The following SMYD5 variants were observed in gnomAD, a reference collection of about 807,000 sequenced individuals.
The protein encoded by SMYD5 is protein-lysine N-trimethyltransferase SMYD5.
A neutral mutation model predicts 57.4 loss-of-function variants in SMYD5; 35 were observed. The ratio of observed to expected loss-of-function variants is 0.61; its 90% CI spans 0.47 to 0.81. The LOEUF (loss-of-function observed/expected upper bound fraction) is 0.81, where lower values mean the gene tolerates loss of function less well. Ranked by LOEUF, SMYD5 falls within the 30% of genes least tolerant of loss-of-function variation. The pLI is 0.00. For missense variants in SMYD5, 471 were observed against 527.9 expected (o/e 0.89, Z 1.06); for synonymous variants, 198 against 189.7 (o/e 1.04, Z -0.36).
At position 73,226,152 on chromosome 2, in the gene SMYD5, C is replaced by T; in HGVS notation, c.*206C>T. The T allele has an allele frequency of 1.5e-6, 1 of 673,478 alleles. No homozygotes were observed. The highest frequency in any genetic ancestry group is 2.0e-5 in the South Asian group (1 of 49,302). 41.7% of individuals were successfully genotyped at this position (673,478 alleles called of 1,614,324 possible). A position where few individuals can be genotyped will look rare whatever the true frequency, so the allele number is the denominator to read the frequency against. On this transcript the variant is annotated 3_prime_UTR_variant, in exon 13 of 13. Transcript: ENST00000389501. The stretch of plus-strand genomic sequence containing the variant: ...GCCCTGGACACTGCTGCTGAGTTGG[C>T]TCAGACTCTGCACTGGCACTGAGCC...
At chr2:73,214,645 G>T in intron 1 of SMYD5, 1 of 1,491,988 alleles carries the variant, frequency 6.7e-7, no homozygotes, top group South Asian at 1.2e-5. Flanking sequence ...CGGGGCTAGG[G>T]GGCTTTGCTG....
At position 73,220,057 on chromosome 2, in the gene SMYD5, A is replaced by T; in HGVS notation, c.212A>T (p.Asp71Val). 1 of 1,614,186 alleles carries T rather than the reference A, an allele frequency of 6.2e-7. No homozygotes were observed. Among genetic ancestry groups the T allele is most frequent in the Non-Finnish European group, 8.5e-7 (1 of 1,180,016 alleles). The part of the protein sequence containing the change: ...WNALYRYRAC[D>V]HCLRALEKAE... ...GTCTGGCTCTCACCGTCAGCCTGTG[A>T]CCACTGCCTTAGGGCACTAGAGAAG... The change falls in exon 3 of 13, where the codon GAC becomes GTC. Residue 71 changes from aspartate to valine, a missense_variant. Asp to Val is a radical substitution (Grantham distance 152). Coordinates refer to ENST00000389501, the MANE Select transcript of SMYD5 (RefSeq NM_006062.3).
intron 6 of SMYD5, 24 bp from the exon 7 acceptor site, chr2:73,222,729 GTC>G (rs1425236181): frequency 2.5e-6 from 4 of 1,595,950 alleles, no homozygotes; most frequent in Non-Finnish European, 3.4e-6. Flanking sequence ...AGGGATACAA[GTC>G]TCTCCCTGCT....
chr2:73,214,504 C>T, intron 1 of SMYD5, 142 bp downstream of exon 1: 3 of 1,489,094 alleles, frequency 2.0e-6, no homozygotes, highest in Non-Finnish European at 2.7e-6. Flanking sequence ...CCCGGGGGCT[C>T]CCAGTCTGTC....
intron 2 of SMYD5, 125 bp from the exon 3 acceptor site, chr2:73,219,926 C>A: frequency 1.7e-6 from 2 of 1,174,830 alleles, no homozygotes; most frequent in Non-Finnish European, 2.6e-6. Context: ...CATTTACTCA[C>A]TTTCCAAACC....
intron 3 of SMYD5, 107 bp downstream of exon 3, chr2:73,220,297 G>A: frequency 8.2e-7 from 1 of 1,218,514 alleles, no homozygotes; most frequent in African/African-American, 1.5e-5. Flanking sequence ...CATGGCCCTT[G>A]AAAACTACAA....
intron 1 of SMYD5, among the ~76,000 whole-genome samples, chr2:73,216,623 A>G (rs1686297135): frequency 6.6e-6 from 1 of 152,162 alleles, no homozygotes; most frequent in South Asian, 2.1e-4. Flanking sequence ...TGAACCCAGG[A>G]GGCAGAAGTT....
chr2:73,224,834 A>G (rs1280098462), intron 10 of SMYD5, 32 bp from the exon 11 acceptor site: 4 of 1,528,390 alleles, frequency 2.6e-6, no homozygotes, highest in Admixed American at 3.5e-5. Flanking sequence ...TTTTTAGTCA[A>G]TAATCCTCAT....
intron 1 of SMYD5, chr2:73,214,564 A>C: frequency 2.7e-6 from 4 of 1,488,688 alleles, no homozygotes; most frequent in Non-Finnish European, 3.6e-6. Context: ...GGGCCTCCGG[A>C]GTCTCCGTGC....
In SMYD5 at chr2:73,225,674, GC is replaced by G; in HGVS notation, c.1081del (p.Arg361AlafsTer30). On this transcript the variant is annotated frameshift_variant, in exon 12 of 13. Coordinates refer to ENST00000389501, the MANE Select transcript of SMYD5 (RefSeq NM_006062.3). LOFTEE classifies it high-confidence loss of function. ...TTGGACTGCTGTCAGCGGGAGCGCAGCCGCCACAGCCGCCACAAGATCCTCA... is the reference window on the plus strand; with the variant it reads ...TTGGACTGCTGTCAGCGGGAGCGCAGCGCCACAGCCGCCACAAGATCCTCA... ...SYLDCCQRER[S>X]RHSRHKILRE... 1 of 1,614,018 alleles carries G rather than the reference GC, an allele frequency of 6.2e-7. No homozygotes were observed. The highest frequency in any genetic ancestry group is 8.5e-7 in the Non-Finnish European group (1 of 1,179,930).
chr2:73,223,592 G>T, intron 9 of SMYD5, 60 bp downstream of exon 9: 1 of 1,154,332 alleles, frequency 8.7e-7, no homozygotes, highest in East Asian at 2.3e-5. Flanking sequence ...TCAGATGGTG[G>T]ACACAAAGTC....
Position 73,223,025 on chromosome 2 carries a change from T to C in SMYD5, c.706-11T>C, listed in dbSNP as rs765605020. On this transcript the variant is annotated splice_polypyrimidine_tract_variant and intron_variant, in intron 7 of 12. Coordinates refer to ENST00000389501, the MANE Select transcript of SMYD5 (RefSeq NM_006062.3). ...CTGTAATGAGCACTCATCTCTTTTTTCCCCCCACAGTGGTTCACTCCAGAT... is the reference window on the plus strand; with the variant it reads ...CTGTAATGAGCACTCATCTCTTTTTCCCCCCCACAGTGGTTCACTCCAGAT... The C allele has an allele frequency of 1.9e-6, 3 of 1,612,558 alleles. No individual in the cohort carries two copies. Among genetic ancestry groups the C allele is most frequent in the Admixed American group, 1.7e-5 (1 of 60,006 alleles).
At chr2:73,220,895 T>G (rs1686379165) in intron 4 of SMYD5, 113 bp downstream of exon 4, 1 of 1,276,830 alleles carries the variant, frequency 7.8e-7, no homozygotes. Flanking sequence ...TTTTTCTTCC[T>G]TTCTTAGGGT....
chr2:73,219,411 C>T (rs139675700), intron 2 of SMYD5, among the ~76,000 whole-genome samples: 4 of 152,056 alleles, frequency 2.6e-5, no homozygotes, highest in Non-Finnish European at 2.9e-5. Flanking sequence ...GACGGAGTTT[C>T]GCTCTTGTCA....
chr2:73,215,061 T>C (rs1397204856), intron 1 of SMYD5, among the ~76,000 whole-genome samples: 2 of 152,246 alleles, frequency 1.3e-5, no homozygotes, highest in East Asian at 1.9e-4. Context: ...TTTCTACATA[T>C]TAAGTTTTAA....
intron 1 of SMYD5, among the ~76,000 whole-genome samples, chr2:73,218,047 C>T (rs1487215031): frequency 1.3e-5 from 2 of 152,164 alleles, no homozygotes; most frequent in Non-Finnish European, 2.9e-5. Flanking sequence ...TGGGGTGGGG[C>T]CCAAGAGTCT....
In SMYD5 at chr2:73,226,101, T is replaced by C; in HGVS notation, c.*155T>C. ...GAGGGTAGGAGAGAGCCTGGATCTC[T>C]GGCCCCAACCCCCACCAGACCTCAT... On this transcript the variant is annotated 3_prime_UTR_variant, in exon 13 of 13. Coordinates refer to ENST00000389501, the MANE Select transcript of SMYD5 (RefSeq NM_006062.3). 9.3e-7 allele frequency: 1 copy of C among 1,076,918 alleles called. No individual in the cohort carries two copies. Among genetic ancestry groups the C allele is most frequent in the Non-Finnish European group, 1.3e-6 (1 of 770,784 alleles). The allele number at this position is 1,076,918 out of a possible 1,614,324, so 66.7% of individuals were successfully genotyped here. A position where few individuals can be genotyped will look rare whatever the true frequency, so the allele number is the denominator to read the frequency against.
rs991007092 is a variant in SMYD5 at position 73,225,682 on chromosome 2, A to C, written c.1087A>C (p.Ser363Arg). ...CTGTCAGCGGGAGCGCAGCCGCCACAGCCGCCACAAGATCCTCAGGTGCCA... is the reference window on the plus strand; with the variant it reads ...CTGTCAGCGGGAGCGCAGCCGCCACCGCCGCCACAAGATCCTCAGGTGCCA... ...DCCQRERSRH[S>R]RHKILRENYL... The change falls in exon 12 of 13, where the codon AGC becomes CGC. Residue 363 changes from serine to arginine, a missense_variant. Transcript: ENST00000389501. 6.2e-7 allele frequency: 1 copy of C among 1,614,200 alleles called. No individual in the cohort carries two copies. Among genetic ancestry groups the C allele is most frequent in the Admixed American group, 1.7e-5 (1 of 60,020 alleles).
intron 1 of SMYD5, among the ~76,000 whole-genome samples, chr2:73,216,233 T>G (rs1231014451): frequency 2.6e-5 from 4 of 152,212 alleles, no homozygotes; most frequent in Non-Finnish European, 4.4e-5. Context: ...TTGTGGGCTT[T>G]CTTCTTTTAA....
Sources: allele counts gnomAD v4.1 joint callset (sites outside exome capture counted in the v4.1 genomes callset), GRCh38; gene constraint gnomAD v4.1.1; transcripts MANE v1.5; gene names NCBI Gene and HGNC (gene_info 2026-07-23, HGNC 2026-07-21).